The following PTPRG variants were observed in gnomAD, a reference collection of about 807,000 sequenced individuals.
The protein encoded by PTPRG is receptor-type tyrosine-protein phosphatase gamma.
In PTPRG, 102 loss-of-function variants were observed where a neutral mutation model predicts 165.3. The observed-to-expected ratio is 0.62, with a 90% confidence interval of 0.53 to 0.73. The LOEUF (loss-of-function observed/expected upper bound fraction) is 0.73, where lower values mean the gene tolerates loss of function less well. PTPRG is among the 30% of genes least tolerant of loss of function. The pLI is 0.00. For missense variants in PTPRG, 1,866 were observed against 1,861.4 expected (o/e 1.00, Z -0.05); for synonymous variants, 675 against 669.5 (o/e 1.01, Z -0.13).
chr3:61,698,979 A>T (rs2030776903), intron 1 of PTPRG, among the ~76,000 whole-genome samples: 2 of 151,880 alleles, frequency 1.3e-5, no homozygotes, highest in African/African-American at 4.8e-5. Flanking sequence ...ATGAGAACAC[A>T]TGGACACAGG....
At position 61,975,838 on chromosome 3, in the gene PTPRG, T is replaced by A. The variant is rs560024798; in HGVS notation, c.191-13787T>A. Among the ~76,000 whole-genome samples, 9 of 152,302 alleles carry A rather than the reference T, an allele frequency of 5.9e-5. No homozygotes were observed. The East Asian group carries it at 1.5e-3, about 26-fold the overall frequency. ...TCAAACATTTTATGTCGATCACAAA[T>A]TTAGACACAATGAAAAACAAGAAAG... On this transcript the variant is annotated intron_variant, in intron 2 of 29. Coordinates refer to ENST00000474889, the MANE Select transcript of PTPRG (RefSeq NM_002841.4).
chr3:62,153,657 G>A (rs1427864494), intron 6 of PTPRG, among the ~76,000 whole-genome samples: 1 of 152,326 alleles, frequency 6.6e-6, no homozygotes, highest in Non-Finnish European at 1.5e-5. Flanking sequence ...AACAATGAGA[G>A]TAAGAATAAT....
chr3:61,634,481 G>A (rs1252221044), intron 1 of PTPRG, among the ~76,000 whole-genome samples: 1 of 151,890 alleles, frequency 6.6e-6, no homozygotes, highest in Non-Finnish European at 1.5e-5. Flanking sequence ...CTCACGATCT[G>A]CCACTTTGAC....
At chr3:61,966,239 G>A (rs1388386221) in intron 2 of PTPRG, among the ~76,000 whole-genome samples, 1 of 152,160 alleles carries the variant, frequency 6.6e-6, no homozygotes, top group African/African-American at 2.4e-5. Flanking sequence ...TGTGGAATGT[G>A]TCAGCGCCAG....
At chr3:62,196,996 G>T (rs1245303358) in intron 10 of PTPRG, among the ~76,000 whole-genome samples, 1 of 152,200 alleles carries the variant, frequency 6.6e-6, no homozygotes, top group African/African-American at 2.4e-5. Context: ...CCTGGGGCAG[G>T]GGGCGTTATC....
intron 1 of PTPRG, among the ~76,000 whole-genome samples, chr3:61,746,349 G>A (rs2106904607): frequency 6.6e-6 from 1 of 151,726 alleles, no homozygotes; most frequent in South Asian, 2.1e-4. Context: ...TGGGGCTACA[G>A]GTGCCGCCAC....
At chr3:62,060,134 C>G (rs1287093119) in intron 4 of PTPRG, among the ~76,000 whole-genome samples, 1 of 151,354 alleles carries the variant, frequency 6.6e-6, no homozygotes, top group Non-Finnish European at 1.5e-5. Flanking sequence ...ATCGTTTGAG[C>G]CCAGGAGGTC....
chr3:61,838,683 A>G lies in PTPRG; in HGVS notation c.190+89701A>G, dbSNP rs531564514. On this transcript the variant is annotated intron_variant, in intron 2 of 29. Transcript: ENST00000474889. The stretch of plus-strand genomic sequence containing the variant: ...AAAATAGTTGACTAAGTTTTATTTC[A>G]ATAACACTGTAATGTTCCATATCAA... Among the ~76,000 whole-genome samples, 3 of 152,336 alleles carry G rather than the reference A, an allele frequency of 2.0e-5. No homozygotes were observed. The East Asian group carries it at 5.8e-4, about 29-fold the overall frequency.
At chr3:62,003,585 A>G in intron 4 of PTPRG, 88 bp downstream of exon 4, 2 of 1,532,682 alleles carry the variant, frequency 1.3e-6, no homozygotes, top group Non-Finnish European at 1.8e-6. Flanking sequence ...GTCATTTTGC[A>G]AATCACAGCT....
chr3:62,029,832 A>G (rs1363659811), intron 4 of PTPRG, among the ~76,000 whole-genome samples: 1 of 152,270 alleles, frequency 6.6e-6, no homozygotes, highest in Non-Finnish European at 1.5e-5. Flanking sequence ...AATGTGAATT[A>G]TGAATAATAT....
At chr3:62,129,024 A>C (rs747454020) in intron 5 of PTPRG, among the ~76,000 whole-genome samples, 1 of 151,946 alleles carries the variant, frequency 6.6e-6, no homozygotes. Flanking sequence ...AATAATCTCC[A>C]TTTTCTCTCC....
chr3:62,243,392 T>C (rs1701208742), intron 14 of PTPRG, among the ~76,000 whole-genome samples: 1 of 152,164 alleles, frequency 6.6e-6, no homozygotes, highest in Non-Finnish European at 1.5e-5. Flanking sequence ...TTGATGACGA[T>C]GTTGGAAGGG....
At chr3:62,073,647 A>T (rs1443714888) in intron 4 of PTPRG, among the ~76,000 whole-genome samples, 1 of 152,054 alleles carries the variant, frequency 6.6e-6, no homozygotes, top group Non-Finnish European at 1.5e-5. Flanking sequence ...GCACCTGGCT[A>T]ATTTTTGTAT....
chr3:61,760,534 C>T (rs1000560286), intron 2 of PTPRG, among the ~76,000 whole-genome samples: 1 of 152,144 alleles, frequency 6.6e-6, no homozygotes, highest in Non-Finnish European at 1.5e-5. Context: ...GAGGGAATTT[C>T]AGAGTGATAG....
At chr3:61,991,660 T>C (rs2040893885) in intron 3 of PTPRG, among the ~76,000 whole-genome samples, 1 of 152,218 alleles carries the variant, frequency 6.6e-6, no homozygotes, top group Non-Finnish European at 1.5e-5. Context: ...CTTCATACCA[T>C]CTAAATGTAG....
chr3:61,896,474 T>A (rs1229475489), intron 2 of PTPRG, among the ~76,000 whole-genome samples: 1 of 152,228 alleles, frequency 6.6e-6, no homozygotes, highest in Non-Finnish European at 1.5e-5. Context: ...CTGGACTGAT[T>A]CCAGTTTTTG....
chr3:61,796,297 A>C (rs548171547), intron 2 of PTPRG, among the ~76,000 whole-genome samples: 2 of 152,350 alleles, frequency 1.3e-5, no homozygotes, highest in East Asian at 3.9e-4. Flanking sequence ...TCTTGGCTGC[A>C]GAGATAGAAA....
intron 1 of PTPRG, among the ~76,000 whole-genome samples, chr3:61,583,878 C>T (rs189960095): frequency 1.3e-5 from 2 of 152,214 alleles, no homozygotes; most frequent in Admixed American, 1.3e-4. Flanking sequence ...TCTTTTAATG[C>T]CTACGTTAAC....
At chr3:62,205,562 C>A (rs1186891678) in intron 12 of PTPRG, among the ~76,000 whole-genome samples, 1 of 151,784 alleles carries the variant, frequency 6.6e-6, no homozygotes, top group Non-Finnish European at 1.5e-5. Context: ...TCAAGGATGA[C>A]CTCTGAGCAG....
Sources: allele counts gnomAD v4.1 joint callset (sites outside exome capture counted in the v4.1 genomes callset), GRCh38; gene constraint gnomAD v4.1.1; transcripts MANE v1.5; gene names NCBI Gene and HGNC (gene_info 2026-07-23, HGNC 2026-07-21).